USP15: variants seen among roughly 807,000 people sequenced by gnomAD.
USP15 encodes the protein ubiquitin specific peptidase 15.
In USP15, 18 loss-of-function variants were observed where a neutral mutation model predicts 127.1. The ratio of observed to expected loss-of-function variants is 0.14; its 90% CI spans 0.10 to 0.21. USP15 has a LOEUF of 0.21. USP15 is among the 10% of genes least tolerant of loss of function. USP15 has a pLI of 1.00. For synonymous variants in USP15, 364 were observed against 393.7 expected, an observed-to-expected ratio of 0.92 and a Z score of 0.89; for missense variants, 805 against 1,159.9, an observed-to-expected ratio of 0.69 and a Z score of 4.44.
At chr12:62,277,900 TTTC>T (rs748975979) in intron 1 of USP15, among the ~76,000 whole-genome samples, 3 of 152,142 alleles carry the variant, frequency 2.0e-5, no homozygotes, top group Non-Finnish European at 4.4e-5. Flanking sequence ...TTAAAAATAT[TTTC>T]TTCAATAATA....
intron 8 of USP15, among the ~76,000 whole-genome samples, chr12:62,381,289 G>T (rs1311847722): frequency 6.6e-6 from 1 of 152,002 alleles, no homozygotes; most frequent in African/African-American, 2.4e-5. Context: ...TTTATTATAA[G>T]TAATTATTTT....
At chr12:62,266,278 G>T (rs141979751) in intron 1 of USP15, among the ~76,000 whole-genome samples, 48 of 152,044 alleles carry the variant, frequency 3.2e-4, no homozygotes, top group Admixed American at 1.4e-3. Flanking sequence ...ATTTTGTTTC[G>T]GTACTTGGTC....
At chr12:62,377,958 G>T (rs2066881417) in intron 8 of USP15, among the ~76,000 whole-genome samples, 1 of 151,946 alleles carries the variant, frequency 6.6e-6, no homozygotes, top group Non-Finnish European at 1.5e-5. Context: ...TGTAATCCCA[G>T]CACTTTGGGA....
intron 8 of USP15, among the ~76,000 whole-genome samples, chr12:62,365,630 G>T (rs1433559417): frequency 6.6e-6 from 1 of 152,160 alleles, no homozygotes; most frequent in Admixed American, 6.5e-5. Flanking sequence ...CTTTGCTCAT[G>T]CCTGTGTCCT....
At chr12:62,331,206 G>T (rs894713559) in intron 6 of USP15, among the ~76,000 whole-genome samples, 1 of 152,112 alleles carries the variant, frequency 6.6e-6, no homozygotes, top group Non-Finnish European at 1.5e-5. Context: ...CCTAGCTAGG[G>T]TGTCAAACAC....
intron 8 of USP15, among the ~76,000 whole-genome samples, chr12:62,380,645 T>C (rs923997179): frequency 1.4e-4 from 22 of 152,208 alleles, no homozygotes; most frequent in Admixed American, 7.2e-4. Context: ...AATTTACTTA[T>C]GTGACCATAT....
intron 7 of USP15, among the ~76,000 whole-genome samples, chr12:62,352,163 A>G (rs1389958222): frequency 3.3e-5 from 5 of 151,830 alleles, no homozygotes; most frequent in African/African-American, 1.2e-4. Flanking sequence ...CCCTACACTG[A>G]TACATTTCTA....
At chr12:62,392,232 T>C in intron 17 of USP15, 40 bp from the exon 18 acceptor site, 2 of 1,365,592 alleles carry the variant, frequency 1.5e-6, no homozygotes, top group Non-Finnish European at 2.0e-6. Flanking sequence ...ATGAGTTTTG[T>C]TTCATTTGTT....
chr12:62,389,962 T>A lies in USP15; in HGVS notation c.1818T>A (p.Leu606=). The A allele has an allele frequency of 6.2e-7, 1 of 1,610,658 alleles. No homozygotes were observed. The highest frequency in any genetic ancestry group is 8.5e-7 in the Non-Finnish European group (1 of 1,178,396). The change falls in exon 14 of 22, where the codon CTT becomes CTA. Residue 606 remains leucine, a synonymous_variant. Transcript: ENST00000280377. The part of the protein sequence containing the change: ...AVPRNNTEDK[L]YNLLLLRMCR... Reference sequence around the variant, plus strand: ...CACGAAACAATACTGAAGACAAACTTTATAATCTCCTGCTCTTGAGAATGT... The same window carrying A: ...CACGAAACAATACTGAAGACAAACTATATAATCTCCTGCTCTTGAGAATGT...
At chr12:62,362,917 G>A (rs182391754) in intron 8 of USP15, among the ~76,000 whole-genome samples, 55 of 152,300 alleles carry the variant, frequency 3.6e-4, no homozygotes, top group African/African-American at 1.3e-3. Flanking sequence ...CAAAGAATAT[G>A]TATGAGTTTG....
intron 1 of USP15, among the ~76,000 whole-genome samples, chr12:62,276,256 T>C (rs2063486750): frequency 6.6e-6 from 1 of 152,144 alleles, no homozygotes. Context: ...TATTCAGAAA[T>C]ACTTCACCTT....
At chr12:62,268,034 GTATT>G (rs1308872629) in intron 1 of USP15, among the ~76,000 whole-genome samples, 1 of 152,176 alleles carries the variant, frequency 6.6e-6, no homozygotes, top group East Asian at 1.9e-4. Context: ...ATGTAGCTAA[GTATT>G]TATATGTACC....
In USP15 at chr12:62,413,317, A is replaced by G. The variant is rs2068081133; in HGVS notation, c.*8942A>G. 6.6e-6 allele frequency: 1 copy of G among 152,234 alleles called. No homozygotes were observed. Among genetic ancestry groups the G allele is most frequent in the Non-Finnish European group, 1.5e-5 (1 of 68,040 alleles). The allele number at this position is 152,234 out of a possible 1,614,324, so 9.4% of individuals were successfully genotyped here. On this transcript the variant is annotated 3_prime_UTR_variant, in exon 22 of 22. Coordinates refer to ENST00000280377, the MANE Select transcript of USP15 (RefSeq NM_001252078.2). ...AGGATTTTTGGAATGATAAATGAAC[A>G]TTAGTTAGCATTGCATTGGCCCCTA... is the stretch of plus-strand genomic sequence containing the variant.
chr12:62,318,166 A>G (rs1462575562), intron 4 of USP15, among the ~76,000 whole-genome samples: 6 of 152,154 alleles, frequency 3.9e-5, no homozygotes, highest in Non-Finnish European at 8.8e-5. Flanking sequence ...CTCAGCCACC[A>G]ATTATTACAG....
intron 8 of USP15, among the ~76,000 whole-genome samples, chr12:62,379,840 C>T (rs2066935794): frequency 6.6e-6 from 1 of 151,942 alleles, no homozygotes; most frequent in South Asian, 2.1e-4. Flanking sequence ...TTCTAAATTG[C>T]CTGGATCTCC....
At chr12:62,282,781 G>A (rs190970772) in intron 1 of USP15, among the ~76,000 whole-genome samples, 19 of 152,188 alleles carry the variant, frequency 1.2e-4, no homozygotes, top group Admixed American at 1.2e-3. Context: ...CAGTTAACCC[G>A]CAGAAAGTGA....
intron 20 of USP15, among the ~76,000 whole-genome samples, chr12:62,400,458 G>A (rs1399769705): frequency 6.6e-6 from 1 of 151,676 alleles, no homozygotes; most frequent in Non-Finnish European, 1.5e-5. Flanking sequence ...TACTCAGCAC[G>A]TGGCAAATTC....
At chr12:62,265,858 C>T (rs1176558959) in intron 1 of USP15, among the ~76,000 whole-genome samples, 2 of 152,112 alleles carry the variant, frequency 1.3e-5, no homozygotes, top group African/African-American at 4.8e-5. Flanking sequence ...CAGCCTCTGT[C>T]TCTTATTTTA....
At chr12:62,328,820 A>C (rs1309414314) in intron 6 of USP15, among the ~76,000 whole-genome samples, 1 of 152,234 alleles carries the variant, frequency 6.6e-6, no homozygotes, top group Non-Finnish European at 1.5e-5. Context: ...TAATGCTAGC[A>C]AAAGAAAGGC....
Sources: allele counts gnomAD v4.1 joint callset (sites outside exome capture counted in the v4.1 genomes callset), GRCh38; gene constraint gnomAD v4.1.1; transcripts MANE v1.5; gene names NCBI Gene and HGNC (gene_info 2026-07-23, HGNC 2026-07-21).